FBXO4: variants seen among roughly 807,000 people sequenced by gnomAD.
FBXO4 encodes F-box protein 4, also known as F-box only protein 4.
In FBXO4, 36 loss-of-function variants were observed where a neutral mutation model predicts 43.7. That is an observed-to-expected ratio of 0.82 (90% CI 0.63 to 1.09). The LOEUF is 1.09. Among genes scored for constraint, FBXO4 ranks in the 50% least tolerant of loss-of-function variants. The pLI is 0.00. For synonymous variants in FBXO4, 180 were observed against 165.6 expected, an observed-to-expected ratio of 1.09 and a Z score of -0.67; for missense variants, 435 against 474.1, an observed-to-expected ratio of 0.92 and a Z score of 0.77.
chr5:41,978,846 C>A, the FBXO4 span, among the ~76,000 whole-genome samples: 7 of 152,194 alleles, frequency 4.6e-5, no homozygotes, highest in Non-Finnish European at 1.0e-4. Context: ...TTTTAATCTT[C>A]ATTCCATCAT....
chr5:41,964,591 T>G, the FBXO4 span, among the ~76,000 whole-genome samples: 2 of 120,774 alleles, frequency 1.7e-5, no homozygotes, highest in South Asian at 5.9e-4. Context: ...TCAAGCCAAG[T>G]GTTTTTTTTT....
At chr5:41,939,745 G>T in intron 6 of FBXO4, 129 bp downstream of exon 6, 3 of 668,088 alleles carry the variant, frequency 4.5e-6, no homozygotes, top group Non-Finnish European at 7.0e-6. Flanking sequence ...CTTAATCTAT[G>T]GAAGCTATTT....
the FBXO4 span, among the ~76,000 whole-genome samples, chr5:41,963,104 A>C: frequency 2.6e-5 from 4 of 152,036 alleles, no homozygotes; most frequent in Non-Finnish European, 5.9e-5. Flanking sequence ...TTTTCTTGTG[A>C]CTTTTTACAT....
chr5:41,993,426 C>T, the FBXO4 span, among the ~76,000 whole-genome samples: 1 of 151,936 alleles, frequency 6.6e-6, no homozygotes, highest in South Asian at 2.1e-4. Context: ...GCATATGCAT[C>T]ATCTCACGTA....
At chr5:42,027,345 C>T in the FBXO4 span, among the ~76,000 whole-genome samples, 4 of 151,682 alleles carry the variant, frequency 2.6e-5, no homozygotes, top group African/African-American at 9.7e-5. Flanking sequence ...TACAGTTGCT[C>T]ATAGTAGTCT....
At chr5:41,994,276 T>C in the FBXO4 span, among the ~76,000 whole-genome samples, 1 of 152,142 alleles carries the variant, frequency 6.6e-6, no homozygotes, top group Non-Finnish European at 1.5e-5. Context: ...AAGAAGAAAA[T>C]GAAATAAAAT....
chr5:41,965,023 C>A, the FBXO4 span, among the ~76,000 whole-genome samples: 1 of 152,134 alleles, frequency 6.6e-6, no homozygotes, highest in Non-Finnish European at 1.5e-5. Context: ...TTAGGTCTAA[C>A]ATTTAAGTTT....
At chr5:41,968,343 G>C in the FBXO4 span, 1 of 153,860 alleles carries the variant, frequency 6.5e-6, no homozygotes, top group East Asian at 1.9e-4. Context: ...GACCAACGCT[G>C]ACATGAGGGA....
chr5:42,003,339 ATTTT>A, the FBXO4 span, among the ~76,000 whole-genome samples: 2 of 152,140 alleles, frequency 1.3e-5, no homozygotes, highest in African/African-American at 4.8e-5. Context: ...TTACCATGGA[ATTTT>A]TTAACTACAG....
At chr5:41,967,486 G>C in the FBXO4 span, 1 of 659,786 alleles carries the variant, frequency 1.5e-6, no homozygotes, top group South Asian at 1.4e-5. Flanking sequence ...GCTCTTTGGG[G>C]GTATATCAAT....
At chr5:42,020,682 G>A in the FBXO4 span, among the ~76,000 whole-genome samples, 16,729 of 152,150 alleles carry the variant, frequency 0.11, 1,447 homozygotes, top group African/African-American at 0.24. Flanking sequence ...TTTGCATTCC[G>A]GGGAGGAAGA....
chr5:41,999,483 A>G, the FBXO4 span, among the ~76,000 whole-genome samples: 981 of 11,624 alleles, frequency 0.084, 29 homozygotes, highest in African/African-American at 0.15. Flanking sequence ...ATATACACAT[A>G]TATATATATA....
intron 5 of FBXO4, chr5:41,934,589 CA>C: frequency 1.5e-6 from 2 of 1,319,578 alleles, no homozygotes; most frequent in African/African-American, 2.9e-5. Flanking sequence ...TTTTTCCAAG[CA>C]CCCAGGGAAT....
intron 5 of FBXO4, 184 bp downstream of exon 5, chr5:41,934,492 CT>C: frequency 7.1e-7 from 1 of 1,417,496 alleles, no homozygotes; most frequent in South Asian, 1.5e-5. Context: ...ACCTGGGAAG[CT>C]TGTTAAACAT....
chr5:42,001,213 T>TATCA, the FBXO4 span, among the ~76,000 whole-genome samples: 1,554 of 149,958 alleles, frequency 0.01, 30 homozygotes, highest in African/African-American at 0.037. Flanking sequence ...ATGAAAACAT[T>TATCA]GTCATTCATT....
At chr5:42,013,221 A>T in the FBXO4 span, among the ~76,000 whole-genome samples, 1 of 152,130 alleles carries the variant, frequency 6.6e-6, no homozygotes, top group Non-Finnish European at 1.5e-5. Context: ...TCAAGGCTGC[A>T]GTGAGCCACA....
At chr5:41,991,047 G>A in the FBXO4 span, among the ~76,000 whole-genome samples, 4 of 152,082 alleles carry the variant, frequency 2.6e-5, no homozygotes, top group Admixed American at 2.6e-4. Flanking sequence ...GAATGTCAGG[G>A]TCTGCCTCAT....
At chr5:41,937,028 A>G (rs1751868564) in intron 5 of FBXO4, among the ~76,000 whole-genome samples, 1 of 152,224 alleles carries the variant, frequency 6.6e-6, no homozygotes, top group Admixed American at 6.5e-5. Context: ...CACAGAATGT[A>G]GTAGGCTGAC....
At chr5:41,931,635 G>A (rs1480897548) in intron 3 of FBXO4, among the ~76,000 whole-genome samples, 1 of 152,182 alleles carries the variant, frequency 6.6e-6, no homozygotes, top group Non-Finnish European at 1.5e-5. Context: ...TGTATATTTG[G>A]TGAATGAGTG....
Sources: allele counts gnomAD v4.1 joint callset (sites outside exome capture counted in the v4.1 genomes callset), GRCh38; gene constraint gnomAD v4.1.1; transcripts MANE v1.5; gene names NCBI Gene and HGNC (gene_info 2026-07-23, HGNC 2026-07-21).